The following SLC36A4 variants were observed in gnomAD, a reference collection of about 807,000 sequenced individuals.
SLC36A4 encodes the protein neutral amino acid uniporter 4.
Under a neutral mutation model 50.5 loss-of-function variants are expected in SLC36A4, and 49 were observed. The ratio of observed to expected loss-of-function variants is 0.97; its 90% CI spans 0.77 to 1.23. The LOEUF (loss-of-function observed/expected upper bound fraction) is 1.23, where lower values mean the gene tolerates loss of function less well. Among genes scored for constraint, SLC36A4 ranks in the 50% most tolerant of loss-of-function variants. SLC36A4 has a pLI of 0.00. For missense variants in SLC36A4, 611 were observed against 608.4 expected (o/e 1.00, Z -0.05); for synonymous variants, 207 against 206.5 (o/e 1.00, Z -0.02).
chr11:93,191,632 G>A (rs574988068), intron 1 of SLC36A4, among the ~76,000 whole-genome samples: 1 of 152,258 alleles, frequency 6.6e-6, no homozygotes, highest in East Asian at 1.9e-4. Context: ...ACTGCCTGTG[G>A]AATTCCCTGA....
chr11:93,190,755 CAG>C (rs745525568), intron 1 of SLC36A4, among the ~76,000 whole-genome samples: 6 of 152,052 alleles, frequency 3.9e-5, no homozygotes, highest in Admixed American at 1.3e-4. Flanking sequence ...TTTTTTGAGA[CAG>C]AGTCTCACTC....
At chr11:93,162,372 G>T (rs1860656415) in intron 9 of SLC36A4, among the ~76,000 whole-genome samples, 1 of 152,038 alleles carries the variant, frequency 6.6e-6, no homozygotes, top group Non-Finnish European at 1.5e-5. Context: ...GCAATGGTGT[G>T]ATCTCAGCTC....
chr11:93,148,695 T>G lies in SLC36A4; in HGVS notation c.1357A>C (p.Asn453His). ...EHYNIWMVLK[N>H]ISIAFTGVVG... is the part of the protein sequence containing the mutation. ...ACTCCAGTGAATGCTATAGAAATATTTTTCAGGACCATCCATATATTATAA... is the reference window on the plus strand; with the variant it reads ...ACTCCAGTGAATGCTATAGAAATATGTTTCAGGACCATCCATATATTATAA... The change falls in exon 11 of 11, where the codon AAT (asparagine) becomes CAT (histidine). Residue 453 changes from asparagine (N) to histidine (H), a missense_variant. Asn to His is a moderately conservative substitution (Grantham distance 68). Transcript: ENST00000326402. The G allele has an allele frequency of 4.3e-6, 7 of 1,612,874 alleles. No individual in the cohort carries two copies. The highest frequency in any genetic ancestry group is 5.1e-6 in the Non-Finnish European group (6 of 1,179,314).
intron 7 of SLC36A4, among the ~76,000 whole-genome samples, chr11:93,167,694 C>A (rs868799635): frequency 1.3e-5 from 2 of 152,126 alleles, no homozygotes; most frequent in African/African-American, 4.8e-5. Flanking sequence ...TTCTGAAGCA[C>A]TGTCACAAAG....
rs1485957891 is a variant in SLC36A4, at chr11:93,144,175, G to A, written c.*4362C>T. On this transcript the variant is annotated 3_prime_UTR_variant, in exon 11 of 11. Coordinates refer to ENST00000326402, the MANE Select transcript of SLC36A4 (RefSeq NM_152313.4). ...GAAAAATGTTATCTAAAAGGCAACT[G>A]CAAGCAAAATATTTTATTGAAAATT... 6.6e-6 allele frequency: 1 copy of A among 151,994 alleles called. No individual in the cohort carries two copies. The highest frequency in any genetic ancestry group is 1.5e-5 in the Non-Finnish European group (1 of 67,962). 9.4% of individuals were successfully genotyped at this position (151,994 alleles called of 1,614,324 possible).
chr11:93,174,369 G>A (rs1038397869), intron 6 of SLC36A4, among the ~76,000 whole-genome samples: 13 of 151,550 alleles, frequency 8.6e-5, no homozygotes, highest in African/African-American at 2.9e-4. Context: ...GGGTTTTCTC[G>A]ATATACAGTC....
At chr11:93,170,588 T>C (rs1181979913) in intron 6 of SLC36A4, among the ~76,000 whole-genome samples, 1 of 152,084 alleles carries the variant, frequency 6.6e-6, no homozygotes, top group South Asian at 2.1e-4. Flanking sequence ...AAGCAGAGAT[T>C]TGAACTCCTA....
intron 6 of SLC36A4, among the ~76,000 whole-genome samples, chr11:93,179,730 G>T (rs887472070): frequency 6.6e-6 from 1 of 152,108 alleles, no homozygotes; most frequent in Non-Finnish European, 1.5e-5. Context: ...AGCATACAGG[G>T]ATAGTCTAAA....
Position 93,144,931 on chromosome 11 carries a change from A to T in SLC36A4, c.*3606T>A, listed in dbSNP as rs1206146400. The T allele has an allele frequency of 6.6e-6, 1 of 152,010 alleles. No individual in the cohort carries two copies. Among genetic ancestry groups the T allele is most frequent in the Non-Finnish European group, 1.5e-5 (1 of 67,958 alleles). 9.4% of individuals were successfully genotyped at this position (152,010 alleles called of 1,614,324 possible). A position where few individuals can be genotyped will look rare whatever the true frequency, so the allele number is the denominator to read the frequency against. On this transcript the variant is annotated 3_prime_UTR_variant, in exon 11 of 11. Transcript: ENST00000326402. Reference sequence around the variant, plus strand: ...TTTTATTCCTCAACAGATGGTATTGAGCCACTGATGCTATTTAAATAATTT... The same window carrying T: ...TTTTATTCCTCAACAGATGGTATTGTGCCACTGATGCTATTTAAATAATTT...
intron 1 of SLC36A4, 125 bp from the exon 2 acceptor site, chr11:93,185,939 T>C: frequency 1.4e-6 from 1 of 728,860 alleles, no homozygotes; most frequent in East Asian, 3.0e-5. Flanking sequence ...CATCCTAAGT[T>C]AGTTCATACT....
chr11:93,158,426 G>A (rs1391532676), intron 9 of SLC36A4, among the ~76,000 whole-genome samples: 1 of 151,922 alleles, frequency 6.6e-6, no homozygotes, highest in Non-Finnish European at 1.5e-5. Flanking sequence ...AGTCACATCG[G>A]CTAAGAATCT....
At chr11:93,150,932 C>CA (rs1353542695) in intron 10 of SLC36A4, among the ~76,000 whole-genome samples, 1 of 152,010 alleles carries the variant, frequency 6.6e-6, no homozygotes, top group African/African-American at 2.4e-5. Flanking sequence ...TCCAAGCTGT[C>CA]ACTAGTAAAT....
Position 93,197,857 on chromosome 11 carries a change from C to G in SLC36A4, c.-25G>C. On this transcript the variant is annotated 5_prime_UTR_variant, in exon 1 of 11. Transcript: ENST00000326402. ...TCTCTCGCGGGTCTCCAGGACGCCGCCGCCCGAGTGCTCACTCTCCCGCCG... is the reference window on the plus strand; with the variant it reads ...TCTCTCGCGGGTCTCCAGGACGCCGGCGCCCGAGTGCTCACTCTCCCGCCG... The G allele has an allele frequency of 1.3e-6, 2 of 1,536,308 alleles. No homozygotes were observed. The highest frequency in any genetic ancestry group is 2.8e-5 in the African/African-American group (2 of 70,566).
At chr11:93,178,460 C>T (rs1022039162) in intron 6 of SLC36A4, among the ~76,000 whole-genome samples, 5 of 152,178 alleles carry the variant, frequency 3.3e-5, no homozygotes, top group South Asian at 2.1e-4. Flanking sequence ...AAAAATCACC[C>T]GTCTTCTGTG....
intron 10 of SLC36A4, chr11:93,152,140 T>C (rs1274450959): frequency 2.0e-5 from 3 of 152,076 alleles, no homozygotes; most frequent in Non-Finnish European, 4.4e-5. Flanking sequence ...ACAACAAACA[T>C]GGATTCAGTA....
chr11:93,189,024 A>G (rs531223005), intron 1 of SLC36A4, among the ~76,000 whole-genome samples: 1 of 150,234 alleles, frequency 6.7e-6, no homozygotes, highest in African/African-American at 2.4e-5. Flanking sequence ...GACACCAGTC[A>G]TATTGGATTA....
chr11:93,183,670 T>C lies in SLC36A4; in HGVS notation c.270+760A>G, dbSNP rs368210823. Among the ~76,000 whole-genome samples, 5 of 152,070 alleles carry C rather than the reference T, an allele frequency of 3.3e-5. No individual in the cohort carries two copies. In the South Asian group the frequency reaches 8.3e-4, roughly 25 times the overall value. ...TGCTTTACATATTGGTTTTTAAAAG[T>C]TATTGTTATTACTTTTCTTTTATTT... is the stretch of plus-strand genomic sequence containing the variant. On this transcript the variant is annotated intron_variant, in intron 3 of 10. Coordinates refer to ENST00000326402, the MANE Select transcript of SLC36A4 (RefSeq NM_152313.4).
At chr11:93,149,537 A>G (rs1454672524) in intron 10 of SLC36A4, among the ~76,000 whole-genome samples, 3 of 152,114 alleles carry the variant, frequency 2.0e-5, no homozygotes, top group Non-Finnish European at 4.4e-5. Flanking sequence ...TACACTGAGA[A>G]GTGCACAGCA....
At chr11:93,180,479 A>G (rs1210832037) in intron 6 of SLC36A4, among the ~76,000 whole-genome samples, 1 of 152,154 alleles carries the variant, frequency 6.6e-6, no homozygotes, top group Non-Finnish European at 1.5e-5. Context: ...AACAATGTCA[A>G]TGTAAAGAAT....
Sources: gnomAD v4.1 joint callset for allele counts (sites outside exome capture counted in the v4.1 genomes callset) on GRCh38, gnomAD v4.1.1 for gene constraint, MANE v1.5 for transcripts, NCBI Gene and HGNC (gene_info 2026-07-23, HGNC 2026-07-21) for gene names.